The following RBFOX1 variants were observed in gnomAD, a reference collection of about 807,000 sequenced individuals.
The protein encoded by RBFOX1 is RNA binding protein fox-1 homolog 1.
Under a neutral mutation model 57.7 loss-of-function variants are expected in RBFOX1, and 8 were observed. The observed-to-expected ratio is 0.14, with a 90% CI of 0.08 to 0.25. The LOEUF (loss-of-function observed/expected upper bound fraction) is 0.25, where lower values mean the gene tolerates loss of function less well. Among genes scored for constraint, RBFOX1 ranks in the 10% least tolerant of loss-of-function variants. The pLI, the probability that RBFOX1 is intolerant of heterozygous loss-of-function variation, is 1.00. For missense variants in RBFOX1, 611 were observed against 548.5 expected (o/e 1.11, Z -1.14); for synonymous variants, 326 against 222.4 (o/e 1.47, Z -4.15).
chr16:7,236,353 C>T (rs898722010), intron 4 of RBFOX1, among the ~76,000 whole-genome samples: 3 of 152,116 alleles, frequency 2.0e-5, no homozygotes, highest in Non-Finnish European at 4.4e-5. Flanking sequence ...AAAAGTAGAA[C>T]ATTTCTCCCC....
chr16:7,217,778 T>C lies in RBFOX1; in HGVS notation c.27+165680T>C, dbSNP rs545578546. Among the ~76,000 whole-genome samples the C allele has an allele frequency of 2.0e-5, 3 of 152,352 alleles. No individual in the cohort carries two copies. In the South Asian group the frequency reaches 6.2e-4, roughly 32 times the overall value. On this transcript the variant is annotated intron_variant, in intron 4 of 15. Coordinates refer to ENST00000550418, the MANE Select transcript of RBFOX1 (RefSeq NM_018723.4). ...AAGGAGACATCAGAAAGAACATTTT[T>C]ATAGTGAAGGTTTTGAGATCCTAGG...
chr16:6,479,659 G>C (rs1488305739), intron 2 of RBFOX1, among the ~76,000 whole-genome samples: 3 of 152,128 alleles, frequency 2.0e-5, no homozygotes, highest in African/African-American at 7.2e-5. Flanking sequence ...CATGAGAACA[G>C]CATGGAGGAA....
At chr16:5,692,153 A>C (rs2050701710) in intron 3 of RBFOX1, among the ~76,000 whole-genome samples, 1 of 149,426 alleles carries the variant, frequency 6.7e-6, no homozygotes, top group South Asian at 2.1e-4. Flanking sequence ...ACCCATGCAT[A>C]ATAGGGACTG....
At chr16:7,270,673 C>G (rs2095296481) in intron 4 of RBFOX1, among the ~76,000 whole-genome samples, 1 of 152,110 alleles carries the variant, frequency 6.6e-6, no homozygotes, top group South Asian at 2.1e-4. Context: ...ACTATTCTAC[C>G]TTCTCTTTAA....
intron 4 of RBFOX1, among the ~76,000 whole-genome samples, chr16:7,417,598 G>T (rs1378407814): frequency 6.6e-6 from 1 of 151,776 alleles, no homozygotes; most frequent in Admixed American, 6.6e-5. Context: ...GTAGCCTCCT[G>T]TGATAGCCAC....
chr16:6,992,494 G>A (rs1455010204), intron 3 of RBFOX1, among the ~76,000 whole-genome samples: 3 of 152,072 alleles, frequency 2.0e-5, no homozygotes, highest in Non-Finnish European at 4.4e-5. Flanking sequence ...GATTACAGGC[G>A]TGAGCTACTG....
chr16:7,047,251 G>A (rs2048301377), intron 3 of RBFOX1, among the ~76,000 whole-genome samples: 1 of 152,170 alleles, frequency 6.6e-6, no homozygotes, highest in South Asian at 2.1e-4. Context: ...TGTCTGCAGT[G>A]AATTTTCTTA....
intron 3 of RBFOX1, among the ~76,000 whole-genome samples, chr16:6,924,196 C>CATAATAATAATAATAAT (rs1567902723): frequency 4.0e-4 from 51 of 126,444 alleles, no homozygotes; most frequent in African/African-American, 1.4e-3. Context: ...ATAATAATAG[C>CATAATAATAATAATAAT]AATAATGCCA....
Position 6,943,130 on chromosome 16 carries a change from G to T in RBFOX1, c.-15-108927G>T, listed in dbSNP as rs1382587528. ...CAATCTGGGTATTCATTCCTTAGCT[G>T]CTGTAATACTGGCTTGCTAATGGCT... is the stretch of plus-strand genomic sequence containing the variant. On this transcript the variant is annotated intron_variant, in intron 3 of 15. Coordinates refer to ENST00000550418, the MANE Select transcript of RBFOX1 (RefSeq NM_018723.4). Among the ~76,000 whole-genome samples the T allele has an allele frequency of 5.3e-5, 8 of 152,288 alleles. No individual in the cohort carries two copies. The East Asian group carries it at 1.4e-3, about 26-fold the overall frequency.
chr16:6,584,353 A>G (rs977653160), intron 2 of RBFOX1, among the ~76,000 whole-genome samples: 3 of 140,566 alleles, frequency 2.1e-5, no homozygotes, highest in East Asian at 2.0e-4. Flanking sequence ...TATTATTATT[A>G]TTATTATTAT....
intron 4 of RBFOX1, among the ~76,000 whole-genome samples, chr16:5,968,535 C>T (rs1218097397): frequency 6.6e-6 from 1 of 152,124 alleles, no homozygotes; most frequent in Non-Finnish European, 1.5e-5. Flanking sequence ...ATTTCCTTTT[C>T]TTCAGGCCTA....
intron 10 of RBFOX1, among the ~76,000 whole-genome samples, chr16:7,611,840 T>C (rs1038686655): frequency 2.6e-5 from 4 of 152,298 alleles, no homozygotes; most frequent in South Asian, 2.1e-4. Flanking sequence ...GTCATACTTA[T>C]AAAAATCTTT....
At chr16:5,390,405 C>G (rs904579276) in intron 1 of RBFOX1, among the ~76,000 whole-genome samples, 3 of 151,566 alleles carry the variant, frequency 2.0e-5, no homozygotes, top group African/African-American at 7.3e-5. Context: ...TCTCCTGCCT[C>G]AGCCTCCTGA....
chr16:5,375,319 C>G (rs970638864), intron 1 of RBFOX1, among the ~76,000 whole-genome samples: 1 of 152,016 alleles, frequency 6.6e-6, no homozygotes, highest in African/African-American at 2.4e-5. Flanking sequence ...GAAAACTGTT[C>G]TAGGGAGCGG....
At chr16:6,554,734 ACAC>A (rs2097061676) in intron 2 of RBFOX1, among the ~76,000 whole-genome samples, 1 of 14,232 alleles carries the variant, frequency 7.0e-5, no homozygotes, top group African/African-American at 7.7e-5. Flanking sequence ...AGACACACAC[ACAC>A]ACACACACAC....
At chr16:6,373,378 T>G (rs1567144834) in intron 2 of RBFOX1, among the ~76,000 whole-genome samples, 1 of 148,762 alleles carries the variant, frequency 6.7e-6, no homozygotes, top group African/African-American at 2.5e-5. Flanking sequence ...GAAGGATAGT[T>G]TTTTAGGATC....
chr16:6,875,676 A>T (rs2061704728), intron 3 of RBFOX1, among the ~76,000 whole-genome samples: 1 of 152,208 alleles, frequency 6.6e-6, no homozygotes, highest in Non-Finnish European at 1.5e-5. Flanking sequence ...TATTTTCTTT[A>T]TACCATAAGC....
At chr16:7,709,018 A>AAT in intron 14 of RBFOX1, 38 bp from the exon 15 acceptor site, 3 of 1,552,174 alleles carry the variant, frequency 1.9e-6, no homozygotes, top group African/African-American at 2.7e-5. Context: ...TTGTAATTGC[A>AAT]TACTGTGGAT....
At chr16:6,391,481 G>A (rs1596494663) in intron 2 of RBFOX1, among the ~76,000 whole-genome samples, 1 of 148,872 alleles carries the variant, frequency 6.7e-6, no homozygotes, top group Admixed American at 6.7e-5. Context: ...CTGCACTCCA[G>A]CCTGGGCAAC....
Sources: gnomAD v4.1 joint callset for allele counts (sites outside exome capture counted in the v4.1 genomes callset) on GRCh38, gnomAD v4.1.1 for gene constraint, MANE v1.5 for transcripts, NCBI Gene and HGNC (gene_info 2026-07-23, HGNC 2026-07-21) for gene names.